The following HOMER1 variants were observed in gnomAD, a reference collection of about 807,000 sequenced individuals.
HOMER1 encodes the protein homer scaffold protein 1.
Under a neutral mutation model 48.9 loss-of-function variants are expected in HOMER1, and 3 were observed. That is an observed-to-expected ratio of 0.06 (90% CI 0.03 to 0.16). The LOEUF (loss-of-function observed/expected upper bound fraction) is 0.16. Among genes scored for constraint, HOMER1 ranks in the 10% least tolerant of loss-of-function variants. The pLI is 1.00. For synonymous variants in HOMER1, 134 were observed against 146.4 expected (o/e 0.92, Z 0.61); for missense variants, 247 against 411.4 (o/e 0.60, Z 3.46).
intron 5 of HOMER1, among the ~76,000 whole-genome samples, chr5:79,408,229 T>G (rs1371210394): frequency 6.6e-6 from 1 of 152,166 alleles, no homozygotes; most frequent in Non-Finnish European, 1.5e-5. Context: ...TCACAGATGA[T>G]GCAATCCAGA....
At chr5:79,416,550 C>T (rs1388435605) in intron 5 of HOMER1, among the ~76,000 whole-genome samples, 1 of 152,226 alleles carries the variant, frequency 6.6e-6, no homozygotes, top group Non-Finnish European at 1.5e-5. Flanking sequence ...TGTAACTGTG[C>T]TTCTAGCAGT....
chr5:79,479,300 G>A (rs1751880409), intron 1 of HOMER1, among the ~76,000 whole-genome samples: 1 of 152,196 alleles, frequency 6.6e-6, no homozygotes, highest in African/African-American at 2.4e-5. Context: ...CCTAGAACCT[G>A]TGAATGTTGC....
At chr5:79,387,778 G>C (rs2112200474) in intron 8 of HOMER1, among the ~76,000 whole-genome samples, 1 of 152,298 alleles carries the variant, frequency 6.6e-6, no homozygotes, top group East Asian at 1.9e-4. Flanking sequence ...TTTCTGGGCA[G>C]CCAAGGTAAT....
chr5:79,379,845 G>C (rs548675235), intron 8 of HOMER1, among the ~76,000 whole-genome samples: 2 of 152,126 alleles, frequency 1.3e-5, no homozygotes, highest in East Asian at 3.9e-4. Context: ...CACACCAGGG[G>C]CAACTAGAGA....
rs529534134 is a variant in HOMER1, at chr5:79,420,194, T to C, written c.528-18139A>G. ...TTTGGAGGATACAGATGTTATTGGC[T>C]AGTGAACAGAAATATCTTTATTTCT... On this transcript the variant is annotated intron_variant, in intron 5 of 8. Coordinates refer to ENST00000334082, the MANE Select transcript of HOMER1 (RefSeq NM_004272.5). Among the ~76,000 whole-genome samples the C allele has an allele frequency of 1.1e-4, 17 of 152,358 alleles. No individual in the cohort carries two copies. The South Asian group carries it at 3.3e-3, about 30-fold the overall frequency.
intron 8 of HOMER1, among the ~76,000 whole-genome samples, chr5:79,376,820 T>C (rs763761232): frequency 1.3e-5 from 2 of 152,054 alleles, no homozygotes; most frequent in Non-Finnish European, 2.9e-5. Context: ...ACAGTTCCAA[T>C]ACATTGCAAA....
At chr5:79,447,476 A>G (rs1040040663) in intron 3 of HOMER1, among the ~76,000 whole-genome samples, 2 of 152,210 alleles carry the variant, frequency 1.3e-5, no homozygotes, top group African/African-American at 4.8e-5. Flanking sequence ...ATCAGTAAAC[A>G]TAAGCGTACT....
intron 1 of HOMER1, among the ~76,000 whole-genome samples, chr5:79,466,207 T>G (rs980934547): frequency 6.6e-6 from 1 of 152,054 alleles, no homozygotes; most frequent in Non-Finnish European, 1.5e-5. Flanking sequence ...GTATGCCTGA[T>G]AGATCACATT....
intron 1 of HOMER1, among the ~76,000 whole-genome samples, chr5:79,459,838 T>C (rs1476951910): frequency 6.6e-6 from 1 of 151,984 alleles, no homozygotes; most frequent in Non-Finnish European, 1.5e-5. Flanking sequence ...TGTTGCACAG[T>C]GGGAGGAGGG....
chr5:79,440,787 A>G (rs1750716494), intron 4 of HOMER1, among the ~76,000 whole-genome samples: 2 of 152,260 alleles, frequency 1.3e-5, no homozygotes. Flanking sequence ...AGGCCAAGCC[A>G]AACTAAAATA....
At chr5:79,475,886 C>T (rs991409239) in intron 1 of HOMER1, among the ~76,000 whole-genome samples, 2 of 152,156 alleles carry the variant, frequency 1.3e-5, no homozygotes, top group African/African-American at 4.8e-5. Context: ...CATGAAAACA[C>T]TCAGGTACCC....
chr5:79,476,785 T>C (rs1302362836), intron 1 of HOMER1, among the ~76,000 whole-genome samples: 2 of 152,122 alleles, frequency 1.3e-5, no homozygotes, highest in Non-Finnish European at 2.9e-5. Context: ...TTGGGCCTTT[T>C]ATGGAGACTT....
chr5:79,508,626 C>T (rs1752845995), intron 1 of HOMER1, among the ~76,000 whole-genome samples: 1 of 152,178 alleles, frequency 6.6e-6, no homozygotes, highest in African/African-American at 2.4e-5. Context: ...TTCTCTCTGC[C>T]TTGAATGCCC....
intron 1 of HOMER1, among the ~76,000 whole-genome samples, chr5:79,465,560 G>T (rs1751434072): frequency 7.1e-6 from 1 of 139,990 alleles, no homozygotes; most frequent in Non-Finnish European, 1.5e-5. Context: ...CACTTAAAGA[G>T]TAACAGTACT....
intron 3 of HOMER1, 36 bp from the exon 4 acceptor site, chr5:79,447,181 A>T (rs1040321082): frequency 2.3e-6 from 3 of 1,330,412 alleles, no homozygotes; most frequent in African/African-American, 1.4e-5. Flanking sequence ...TAACCAAATA[A>T]AAATAGGTCA....
intron 5 of HOMER1, among the ~76,000 whole-genome samples, chr5:79,413,811 T>G (rs1749870724): frequency 6.6e-6 from 1 of 152,092 alleles, no homozygotes. Context: ...CTTCAACAGT[T>G]TAGGGTCTGA....
At chr5:79,400,358 T>TC (rs948576467) in intron 6 of HOMER1, among the ~76,000 whole-genome samples, 15 of 151,394 alleles carry the variant, frequency 9.9e-5, no homozygotes, top group African/African-American at 3.6e-4. Context: ...TTTCTTTCTT[T>TC]TTTTTTTTTT....
chr5:79,509,768 C>T (rs1752884100), intron 1 of HOMER1, among the ~76,000 whole-genome samples: 1 of 152,028 alleles, frequency 6.6e-6, no homozygotes, highest in Admixed American at 6.6e-5. Flanking sequence ...TTTTTCTGCC[C>T]AATCACTGAT....
intron 1 of HOMER1, among the ~76,000 whole-genome samples, chr5:79,466,547 T>C (rs1751470757): frequency 6.6e-6 from 1 of 151,940 alleles, no homozygotes; most frequent in Non-Finnish European, 1.5e-5. Flanking sequence ...TTAGAATTGA[T>C]ATGGCACATT....
Sources: allele counts gnomAD v4.1 joint callset (sites outside exome capture counted in the v4.1 genomes callset), GRCh38; gene constraint gnomAD v4.1.1; transcripts MANE v1.5; gene names NCBI Gene and HGNC (gene_info 2026-07-23, HGNC 2026-07-21).